Variants in CCDC146 observed in about 807,000 individuals in gnomAD.
CCDC146 encodes coiled-coil domain-containing protein 146.
CCDC146 carries 92 observed loss-of-function variants against 119.3 expected under a neutral mutation model. The observed-to-expected ratio is 0.77, with a 90% confidence interval of 0.65 to 0.92. The LOEUF (loss-of-function observed/expected upper bound fraction) is 0.92. Among genes scored for constraint, CCDC146 ranks in the 40% least tolerant of loss-of-function variants. The probability of loss-of-function intolerance (pLI) is 0.00; values close to 1 mark genes in which losing one functional copy is unlikely to be tolerated. For synonymous variants in CCDC146, 372 were observed against 371.8 expected, an observed-to-expected ratio of 1.00 and a Z score of -0.01; for missense variants, 1,000 against 1,103.0, an observed-to-expected ratio of 0.91 and a Z score of 1.32.
intron 2 of CCDC146, among the ~76,000 whole-genome samples, chr7:77,216,829 A>T (rs1360522493): frequency 6.6e-6 from 1 of 152,166 alleles, no homozygotes; most frequent in Non-Finnish European, 1.5e-5. Context: ...TGCCAAAGGG[A>T]TCATTAACTC....
chr7:77,241,814 C>T lies in CCDC146; in HGVS notation c.363C>T (p.Ser121=), dbSNP rs994144951. 33 of 1,613,812 alleles carry T rather than the reference C, an allele frequency of 2.0e-5. No individual in the cohort carries two copies. The East Asian group carries it at 7.4e-4, about 36-fold the overall frequency. Residue 121 remains serine (S), a synonymous_variant, in exon 4 of 19, where the codon TCC becomes TCT. Coordinates refer to ENST00000285871, the MANE Select transcript of CCDC146 (RefSeq NM_020879.3). ...CAGAAGCATTCTCCACGGAGGTCTC[C>T]AAAATGAGAGAACAACTTCTCAAGT... ...NFPEAFSTEV[S]KMREQLLKYQ...
intron 2 of CCDC146, among the ~76,000 whole-genome samples, chr7:77,230,890 C>A (rs546259788): frequency 6.6e-6 from 1 of 152,218 alleles, no homozygotes; most frequent in South Asian, 2.1e-4. Flanking sequence ...TGTCTTCATG[C>A]TTTTTCTCTC....
At chr7:77,246,883 A>C (rs965744726) in intron 4 of CCDC146, among the ~76,000 whole-genome samples, 1 of 152,232 alleles carries the variant, frequency 6.6e-6, no homozygotes, top group African/African-American at 2.4e-5. Context: ...TAGATATGAT[A>C]AATTTAAAGC....
At chr7:77,142,517 A>T (rs1790950983) in intron 1 of CCDC146, among the ~76,000 whole-genome samples, 1 of 151,608 alleles carries the variant, frequency 6.6e-6, no homozygotes, top group Non-Finnish European at 1.5e-5. Flanking sequence ...TGCACCCATT[A>T]ACTCATCATT....
chr7:77,202,667 G>A (rs1031387025), intron 2 of CCDC146, among the ~76,000 whole-genome samples: 3 of 152,200 alleles, frequency 2.0e-5, no homozygotes, highest in African/African-American at 7.2e-5. Context: ...AGTGACTACT[G>A]CATGAAAAGA....
chr7:77,235,537 A>G (rs1413874112), intron 2 of CCDC146, among the ~76,000 whole-genome samples: 1 of 152,178 alleles, frequency 6.6e-6, no homozygotes, highest in Non-Finnish European at 1.5e-5. Context: ...TGTGTTGTGA[A>G]AGGAGGCTGT....
intron 11 of CCDC146, among the ~76,000 whole-genome samples, chr7:77,277,904 T>TC (rs1307143957): frequency 6.6e-6 from 1 of 152,224 alleles, no homozygotes; most frequent in Non-Finnish European, 1.5e-5. Context: ...CAAGAACCAG[T>TC]ATCTTTTGAT....
rs554071743 is a variant in CCDC146, at chr7:77,189,761, C to G, written c.156+21937C>G. 2.0e-5 allele frequency among the ~76,000 whole-genome samples: 3 copies of G among 152,332 alleles called. No homozygotes were observed. In the South Asian group the frequency reaches 6.2e-4, roughly 32 times the overall value. ...GCTATCCACTCTTCCAGGCTTGGGG[C>G]TTTTGCACCTAATGTTCCCTTTGTT... On this transcript the variant is annotated intron_variant, in intron 2 of 18. Coordinates refer to ENST00000285871, the MANE Select transcript of CCDC146 (RefSeq NM_020879.3).
intron 1 of CCDC146, among the ~76,000 whole-genome samples, chr7:77,124,176 A>G (rs945416225): frequency 6.6e-6 from 1 of 152,250 alleles, no homozygotes; most frequent in African/African-American, 2.4e-5. Context: ...CAACTGAACT[A>G]TAATTTTCTA....
chr7:77,209,959 T>C (rs1297346037), intron 2 of CCDC146, among the ~76,000 whole-genome samples: 1 of 152,202 alleles, frequency 6.6e-6, no homozygotes, highest in Non-Finnish European at 1.5e-5. Flanking sequence ...TTTTCCCTCC[T>C]AGGCCTCCAG....
chr7:77,160,407 A>C (rs1303590549), intron 1 of CCDC146, among the ~76,000 whole-genome samples: 2 of 152,096 alleles, frequency 1.3e-5, no homozygotes, highest in Non-Finnish European at 2.9e-5. Flanking sequence ...ATGAGCATGG[A>C]ATGTTCTTCC....
chr7:77,238,013 A>G (rs778317197), intron 3 of CCDC146, among the ~76,000 whole-genome samples: 5 of 152,024 alleles, frequency 3.3e-5, no homozygotes, highest in Non-Finnish European at 7.4e-5. Flanking sequence ...CCTCCTTCTT[A>G]TCTTGCCCAG....
chr7:77,269,890 G>A (rs1374388959), intron 9 of CCDC146, among the ~76,000 whole-genome samples: 1 of 152,188 alleles, frequency 6.6e-6, no homozygotes, highest in African/African-American at 2.4e-5. Context: ...TTGAAAACAG[G>A]AGTGGGTCAG....
intron 9 of CCDC146, among the ~76,000 whole-genome samples, chr7:77,264,168 T>C (rs1441306388): frequency 1.3e-5 from 2 of 152,190 alleles, no homozygotes; most frequent in Non-Finnish European, 2.9e-5. Context: ...CTTTTTGCCT[T>C]AAAATATTAT....
chr7:77,250,059 C>G (rs1200545329), intron 4 of CCDC146, among the ~76,000 whole-genome samples: 4 of 152,136 alleles, frequency 2.6e-5, no homozygotes, highest in South Asian at 4.1e-4. Flanking sequence ...TAACACTATA[C>G]CACTTCAAGT....
rs184857964 is a variant in CCDC146 at position 77,188,298 on chromosome 7, C to T, written c.156+20474C>T. Among the ~76,000 whole-genome samples the T allele has an allele frequency of 2.7e-3, 404 of 152,004 alleles. 5 individuals carry two copies. The highest frequency in any genetic ancestry group is 3.4e-3 in the Middle Eastern group (1 of 294). On this transcript the variant is annotated intron_variant, in intron 2 of 18. Transcript: ENST00000285871. ...TCCTCTATCAAAATATCTCATGTAG[C>T]GCATAAATATGTATACCTACTATGT...
rs538276443 is a variant in CCDC146 at position 77,135,150 on chromosome 7, G to A, written c.-12+12418G>A. 9.9e-5 allele frequency among the ~76,000 whole-genome samples: 15 copies of A among 152,200 alleles called. No individual in the cohort carries two copies. In the East Asian group the frequency reaches 2.7e-3, roughly 27 times the overall value. ...TCTTTCTTAAATATATGTATAGCCC[G>A]CATTTATTTCAGTTTGTAATGTTAG... On this transcript the variant is annotated intron_variant, in intron 1 of 18. Coordinates refer to ENST00000285871, the MANE Select transcript of CCDC146 (RefSeq NM_020879.3).
intron 2 of CCDC146, among the ~76,000 whole-genome samples, chr7:77,192,252 T>A (rs1260737567): frequency 6.6e-6 from 1 of 152,168 alleles, no homozygotes; most frequent in African/African-American, 2.4e-5. Flanking sequence ...TCTAGGTGCT[T>A]TATATATGTG....
chr7:77,231,120 GCAT>G, intron 2 of CCDC146, among the ~76,000 whole-genome samples: 1 of 152,274 alleles, frequency 6.6e-6, no homozygotes, highest in African/African-American at 2.4e-5. Context: ...CCTTTGTCCA[GCAT>G]GTACACACTG....
Sources: gnomAD v4.1 joint callset for allele counts (sites outside exome capture counted in the v4.1 genomes callset) on GRCh38, gnomAD v4.1.1 for gene constraint, MANE v1.5 for transcripts, NCBI Gene and HGNC (gene_info 2026-07-23, HGNC 2026-07-21) for gene names.